DGKB: variants seen among roughly 807,000 people sequenced by gnomAD.
DGKB encodes the protein diacylglycerol kinase beta.
A neutral mutation model predicts 114.3 loss-of-function variants in DGKB; 67 were observed. That is an observed-to-expected ratio of 0.59 (90% CI 0.48 to 0.72). The LOEUF (loss-of-function observed/expected upper bound fraction) is 0.72. DGKB is among the 30% of genes least tolerant of loss of function. DGKB has a pLI of 0.00. For missense variants in DGKB, 907 were observed against 975.2 expected (o/e 0.93, Z 0.93); for synonymous variants, 398 against 323.1 (o/e 1.23, Z -2.49).
At chr7:14,581,076 T>C (rs1376436030) in intron 18 of DGKB, 125 bp from the exon 19 acceptor site, 6 of 535,982 alleles carry the variant, frequency 1.1e-5, no homozygotes, top group Non-Finnish European at 1.6e-5. Context: ...CAAAACATAA[T>C]TGTAGTTTTA....
chr7:14,735,960 C>A, intron 5 of DGKB, 81 bp downstream of exon 5: 1 of 831,846 alleles, frequency 1.2e-6, no homozygotes, highest in Admixed American at 3.7e-5. Context: ...TGCAAATCAT[C>A]ATTCATCTTT....
At chr7:14,720,507 GTGTGTGTGTGTA>G (rs940304354) in intron 5 of DGKB, among the ~76,000 whole-genome samples, 3 of 137,648 alleles carry the variant, frequency 2.2e-5, no homozygotes, top group Admixed American at 1.5e-4. Flanking sequence ...GTGTGTGTGT[GTGTGTGTGTGTA>G]TGTTTAGTAG....
At chr7:14,327,903 G>T (rs1221016036) in intron 23 of DGKB, among the ~76,000 whole-genome samples, 1 of 152,100 alleles carries the variant, frequency 6.6e-6, no homozygotes, top group Non-Finnish European at 1.5e-5. Context: ...AGCATTTTCA[G>T]TTCCTTGCAA....
At chr7:14,512,589 T>G (rs1788149628) in intron 20 of DGKB, among the ~76,000 whole-genome samples, 1 of 152,136 alleles carries the variant, frequency 6.6e-6, no homozygotes, top group Non-Finnish European at 1.5e-5. Context: ...CCTATAGACG[T>G]CTCAGGTTTT....
Position 14,147,260 on chromosome 7 carries a change from G to GTAC in DGKB, c.*1868_*1870dup, listed in dbSNP as rs1162173697. 6.6e-6 allele frequency: 1 copy of GTAC among 152,086 alleles called. No homozygotes were observed. 9.4% of individuals were successfully genotyped at this position (152,086 alleles called of 1,614,324 possible). On this transcript the variant is annotated 3_prime_UTR_variant, in exon 26 of 26. Transcript: ENST00000402815. ...TTTTATACCAGCGCAAGTGATTGCT[G>GTAC]TACTAAATTTGCAATTGTAATCATA...
intron 1 of DGKB, among the ~76,000 whole-genome samples, chr7:14,883,559 T>TTAG (rs1018250060): frequency 1.3e-5 from 2 of 151,694 alleles, no homozygotes; most frequent in African/African-American, 4.8e-5. Context: ...GATGATAGAG[T>TTAG]TAGTTGTATG....
rs532293601 is a variant in DGKB, at chr7:14,871,085, C to T, written c.-187-29635G>A. Among the ~76,000 whole-genome samples, 14 of 129,062 alleles carry T rather than the reference C, an allele frequency of 1.1e-4. 7 individuals carry two copies. The highest frequency in any genetic ancestry group is 4.3e-4 in the African/African-American group (14 of 32,590). The allele number at this position is 129,062 out of a possible 152,430, so 84.7% of individuals were successfully genotyped here. ...CAGCCTGGGCGACAGAGCGAGACTCCGTCTCAAAAAAAAAAAAAAAAAAAA... is the reference window on the plus strand; with the variant it reads ...CAGCCTGGGCGACAGAGCGAGACTCTGTCTCAAAAAAAAAAAAAAAAAAAA... On this transcript the variant is annotated intron_variant, in intron 1 of 25. Transcript: ENST00000402815.
chr7:14,781,357 G>A lies in DGKB; in HGVS notation c.71-23626C>T, dbSNP rs190034893. ...CACTTTGATTTTCAATTAGAAATTA[G>A]TATTCTTTACACCAGCTGAATGCAA... is the stretch of plus-strand genomic sequence containing the variant. On this transcript the variant is annotated intron_variant, in intron 2 of 25. Coordinates refer to ENST00000402815, the MANE Select transcript of DGKB (RefSeq NM_001350709.2). 2.1e-3 allele frequency among the ~76,000 whole-genome samples: 320 copies of A among 152,240 alleles called. 1 individual carries two copies. Among genetic ancestry groups the A allele is most frequent in the Non-Finnish European group, 3.8e-3 (257 of 68,016 alleles).
At chr7:14,852,969 T>A (rs1849607859) in intron 1 of DGKB, among the ~76,000 whole-genome samples, 1 of 152,292 alleles carries the variant, frequency 6.6e-6, no homozygotes, top group Admixed American at 6.5e-5. Context: ...AATTATACAA[T>A]TTTTTCTATT....
chr7:14,316,088 G>T (rs1806443409), intron 23 of DGKB, among the ~76,000 whole-genome samples: 1 of 150,220 alleles, frequency 6.7e-6, no homozygotes, highest in South Asian at 2.1e-4. Flanking sequence ...AAACCAACGA[G>T]AACAAAGACA....
chr7:14,493,537 A>G (rs542031632), intron 20 of DGKB, among the ~76,000 whole-genome samples: 1 of 152,188 alleles, frequency 6.6e-6, no homozygotes, highest in Non-Finnish European at 1.5e-5. Context: ...TATGAAGCTT[A>G]CAGGATGAGA....
At chr7:14,231,645 C>T (rs7790656) in intron 23 of DGKB, among the ~76,000 whole-genome samples, 9,303 of 151,176 alleles carry the variant, frequency 0.062, 540 homozygotes, top group African/African-American at 0.14. Flanking sequence ...TGTGTGTGTA[C>T]ATATATTTAT....
At chr7:14,177,935 A>G (rs1269166235) in intron 24 of DGKB, 96 bp downstream of exon 24, 3 of 1,309,320 alleles carry the variant, frequency 2.3e-6, no homozygotes, top group Non-Finnish European at 3.1e-6. Context: ...TTGGAGCCCA[A>G]AGAAGACAAT....
At chr7:14,574,074 G>A (rs1360540643) in intron 20 of DGKB, 138 bp downstream of exon 20, 2 of 583,616 alleles carry the variant, frequency 3.4e-6, no homozygotes, top group Non-Finnish European at 2.9e-6. Flanking sequence ...AATAATAATT[G>A]CCTATTAGAA....
chr7:14,185,840 T>C (rs1584322821), intron 23 of DGKB, among the ~76,000 whole-genome samples: 1 of 152,140 alleles, frequency 6.6e-6, no homozygotes, highest in Admixed American at 6.5e-5. Context: ...ACTGGATCCT[T>C]ATCTCTCACC....
intron 20 of DGKB, among the ~76,000 whole-genome samples, chr7:14,542,877 C>T (rs769945937): frequency 1.9e-4 from 29 of 152,104 alleles, no homozygotes; most frequent in Non-Finnish European, 3.5e-4. Flanking sequence ...TCTGTGTTTA[C>T]GGAGATCCCA....
chr7:14,190,316 G>C (rs1019106030), intron 23 of DGKB, among the ~76,000 whole-genome samples: 1 of 152,138 alleles, frequency 6.6e-6, no homozygotes, highest in South Asian at 2.1e-4. Flanking sequence ...TAAGTTAAAA[G>C]AAAATTAAAA....
At chr7:14,732,334 A>G (rs1008226480) in intron 5 of DGKB, among the ~76,000 whole-genome samples, 1 of 152,126 alleles carries the variant, frequency 6.6e-6, no homozygotes, top group African/African-American at 2.4e-5. Flanking sequence ...GCATAAACCA[A>G]ACCAGATTGT....
At chr7:14,819,592 A>C (rs1209441622) in intron 2 of DGKB, among the ~76,000 whole-genome samples, 1 of 152,174 alleles carries the variant, frequency 6.6e-6, no homozygotes, top group African/African-American at 2.4e-5. Context: ...ACAGTCTAAA[A>C]AATGTAAAAA....
Sources: gnomAD v4.1 joint callset for allele counts (sites outside exome capture counted in the v4.1 genomes callset) on GRCh38, gnomAD v4.1.1 for gene constraint, MANE v1.5 for transcripts, NCBI Gene and HGNC (gene_info 2026-07-23, HGNC 2026-07-21) for gene names.